PID1: variants seen among roughly 807,000 people sequenced by gnomAD.
PID1 encodes PTB-containing, cubilin and LRP1-interacting protein.
A neutral mutation model predicts 19.1 loss-of-function variants in PID1; 10 were observed. The ratio of observed to expected loss-of-function variants is 0.52; its 90% CI spans 0.32 to 0.89. PID1 has a LOEUF of 0.89. Among genes scored for constraint, PID1 ranks in the 40% least tolerant of loss-of-function variants. The pLI is 0.03. For missense variants in PID1, 248 were observed against 285.3 expected (o/e 0.87, Z 0.94); for synonymous variants, 130 against 116.0 (o/e 1.12, Z -0.78).
Position 229,169,160 on chromosome 2 carries a change from T to C in PID1, c.31-13196A>G, listed in dbSNP as rs112053906. ...TCTACACTCTCATGCTAGCCCACAA[T>C]TGACTTTTAAAAATGTAATAATTTT... is the stretch of plus-strand genomic sequence containing the variant. On this transcript the variant is annotated intron_variant, in intron 1 of 2. Coordinates refer to ENST00000392055, the MANE Select transcript of PID1 (RefSeq NM_001100818.2). Among the ~76,000 whole-genome samples the C allele has an allele frequency of 6.1e-3, 926 of 152,306 alleles. 12 individuals carry two copies. Among genetic ancestry groups the C allele is most frequent in the African/African-American group, 0.021 (879 of 41,572 alleles).
At chr2:229,144,069 T>A (rs1371598999) in intron 2 of PID1, among the ~76,000 whole-genome samples, 1 of 152,168 alleles carries the variant, frequency 6.6e-6, no homozygotes, top group Non-Finnish European at 1.5e-5. Context: ...GCCTTCACAG[T>A]GCTTAGTAGA....
intron 1 of PID1, among the ~76,000 whole-genome samples, chr2:229,179,192 A>G (rs1690888336): frequency 6.6e-6 from 1 of 152,144 alleles, no homozygotes; most frequent in African/African-American, 2.4e-5. Context: ...ATTCATACAG[A>G]GAAGCTGTGA....
intron 1 of PID1, among the ~76,000 whole-genome samples, chr2:229,223,580 C>T (rs1692016728): frequency 6.6e-6 from 1 of 152,176 alleles, no homozygotes; most frequent in Non-Finnish European, 1.5e-5. Flanking sequence ...TTCTAACAGT[C>T]AGGATGGAAA....
At chr2:229,068,678 T>C (rs916349547) in intron 2 of PID1, among the ~76,000 whole-genome samples, 5 of 152,144 alleles carry the variant, frequency 3.3e-5, no homozygotes, top group African/African-American at 4.8e-5. Flanking sequence ...AGTCCACATG[T>C]TGTCAGCATG....
intron 1 of PID1, among the ~76,000 whole-genome samples, chr2:229,183,504 T>C (rs758682899): frequency 6.6e-6 from 1 of 152,186 alleles, no homozygotes; most frequent in Non-Finnish European, 1.5e-5. Context: ...AGCAGATTGC[T>C]TCTCCTAATG....
intron 2 of PID1, among the ~76,000 whole-genome samples, chr2:229,148,874 G>T (rs951642797): frequency 3.9e-5 from 6 of 152,050 alleles, no homozygotes; most frequent in African/African-American, 9.7e-5. Flanking sequence ...ACAAAGGTTA[G>T]CTCATATAAA....
At chr2:229,082,422 A>G (rs1472713089) in intron 2 of PID1, among the ~76,000 whole-genome samples, 6 of 152,246 alleles carry the variant, frequency 3.9e-5, no homozygotes, top group African/African-American at 1.4e-4. Flanking sequence ...ACACAGTGAA[A>G]GAGAGTTGCC....
chr2:229,247,590 T>C (rs1291510149), intron 1 of PID1, among the ~76,000 whole-genome samples: 1 of 152,198 alleles, frequency 6.6e-6, no homozygotes, highest in African/African-American at 2.4e-5. Context: ...GGTTGGAAGA[T>C]AAATATTTTA....
intron 1 of PID1, among the ~76,000 whole-genome samples, chr2:229,244,137 C>T (rs1689943291): frequency 6.6e-6 from 1 of 152,114 alleles, no homozygotes; most frequent in Non-Finnish European, 1.5e-5. Flanking sequence ...TAGTTCTCAA[C>T]TGAAAACTCA....
intron 1 of PID1, among the ~76,000 whole-genome samples, chr2:229,208,264 G>A (rs1342715395): frequency 2.0e-5 from 3 of 152,168 alleles, no homozygotes; most frequent in Non-Finnish European, 2.9e-5. Context: ...AGCTAGTGCA[G>A]TAACTTCATC....
chr2:229,188,153 G>A (rs1691175846), intron 1 of PID1, among the ~76,000 whole-genome samples: 1 of 151,702 alleles, frequency 6.6e-6, no homozygotes, highest in African/African-American at 2.4e-5. Flanking sequence ...TTCTCTCCAG[G>A]TTTCTTCATC....
At chr2:229,116,887 T>G (rs539848592) in intron 2 of PID1, among the ~76,000 whole-genome samples, 15 of 152,158 alleles carry the variant, frequency 9.9e-5, no homozygotes, top group Admixed American at 9.2e-4. Context: ...TCCATATCTC[T>G]AAACACTGCC....
chr2:229,136,813 A>G (rs1362331880), intron 2 of PID1, among the ~76,000 whole-genome samples: 1 of 152,148 alleles, frequency 6.6e-6, no homozygotes, highest in Non-Finnish European at 1.5e-5. Context: ...TTAACTTAAA[A>G]CTATTCACAG....
At chr2:229,112,501 T>A (rs1266766847) in intron 2 of PID1, among the ~76,000 whole-genome samples, 2 of 152,112 alleles carry the variant, frequency 1.3e-5, no homozygotes, top group South Asian at 2.1e-4. Flanking sequence ...TTATTTATTT[T>A]TTGAGACAGA....
rs75866642 is a variant in PID1 at position 229,092,115 on chromosome 2, C to A, written c.177+63703G>T. Among the ~76,000 whole-genome samples, 122 of 112,576 alleles carry A rather than the reference C, an allele frequency of 1.1e-3. 8 individuals are homozygous for A. The East Asian group carries it at 0.025, about 23-fold the overall frequency. The allele number at this position is 112,576 out of a possible 152,430, so 73.9% of individuals were successfully genotyped here. A position where few individuals can be genotyped will look rare whatever the true frequency, so the allele number is the denominator to read the frequency against. ...ATGCCTACTGCATTTACACACAGAACCAACAAGTTTACTAGCAAGGTGTTT... is the reference window on the plus strand; with the variant it reads ...ATGCCTACTGCATTTACACACAGAAACAACAAGTTTACTAGCAAGGTGTTT... On this transcript the variant is annotated intron_variant, in intron 2 of 2. Coordinates refer to ENST00000392055, the MANE Select transcript of PID1 (RefSeq NM_001100818.2).
chr2:229,233,998 C>T (rs770942786), intron 1 of PID1, among the ~76,000 whole-genome samples: 1 of 152,094 alleles, frequency 6.6e-6, no homozygotes, highest in Non-Finnish European at 1.5e-5. Flanking sequence ...AGAAAATACC[C>T]AGAAAATAAT....
At chr2:229,195,493 T>G (rs990979921) in intron 1 of PID1, among the ~76,000 whole-genome samples, 1 of 151,906 alleles carries the variant, frequency 6.6e-6, no homozygotes, top group African/African-American at 2.4e-5. Context: ...TCATATTGTG[T>G]CATTTTTTCC....
chr2:229,088,289 C>G (rs550036893), intron 2 of PID1, among the ~76,000 whole-genome samples: 1 of 152,076 alleles, frequency 6.6e-6, no homozygotes, highest in South Asian at 2.1e-4. Flanking sequence ...AAAACATTTA[C>G]CGAGCAACTA....
intron 2 of PID1, among the ~76,000 whole-genome samples, chr2:229,040,540 A>C (rs1165820358): frequency 6.6e-6 from 1 of 152,186 alleles, no homozygotes; most frequent in East Asian, 1.9e-4. Flanking sequence ...CTTTAACTAT[A>C]CCTTTTTGTA....
Sources: allele counts gnomAD v4.1 joint callset (sites outside exome capture counted in the v4.1 genomes callset), GRCh38; gene constraint gnomAD v4.1.1; transcripts MANE v1.5; gene names NCBI Gene and HGNC (gene_info 2026-07-23, HGNC 2026-07-21).